The following NXPE2 variants were observed in gnomAD, a reference collection of about 807,000 sequenced individuals.
The protein encoded by NXPE2 is neurexophilin and PC-esterase domain family member 2, also known as NXPE family member 2.
A neutral mutation model predicts 34.4 loss-of-function variants in NXPE2; 34 were observed. The ratio of observed to expected loss-of-function variants is 0.99; its 90% CI spans 0.75 to 1.31. The LOEUF is 1.31. NXPE2 is among the 40% of genes most tolerant of loss of function. The probability of loss-of-function intolerance (pLI) is 0.00; values close to 1 mark genes in which losing one functional copy is unlikely to be tolerated. For synonymous variants in NXPE2, 235 were observed against 231.3 expected, an observed-to-expected ratio of 1.02 and a Z score of -0.15; for missense variants, 649 against 672.5, an observed-to-expected ratio of 0.97 and a Z score of 0.39.
the NXPE2 span, among the ~76,000 whole-genome samples, chr11:114,524,678 G>A: frequency 6.6e-6 from 1 of 152,204 alleles, no homozygotes; most frequent in South Asian, 2.1e-4. Context: ...TCCTAATAAT[G>A]TACTGGCACA....
the NXPE2 span, among the ~76,000 whole-genome samples, chr11:114,493,838 C>G: frequency 6.6e-6 from 1 of 152,068 alleles, no homozygotes; most frequent in East Asian, 1.9e-4. Flanking sequence ...TCATTTACCC[C>G]CTTTTTTTTC....
At chr11:114,533,482 C>T in the NXPE2 span, among the ~76,000 whole-genome samples, 15 of 152,132 alleles carry the variant, frequency 9.9e-5, no homozygotes, top group South Asian at 1.0e-3. Context: ...TGAAGCAGGG[C>T]GAGGCATCGC....
chr11:114,627,796 A>G, the NXPE2 span, among the ~76,000 whole-genome samples: 1 of 152,148 alleles, frequency 6.6e-6, no homozygotes, highest in East Asian at 1.9e-4. Flanking sequence ...AGAGACACAC[A>G]TGGGCTCAAA....
the NXPE2 span, among the ~76,000 whole-genome samples, chr11:114,483,353 G>A: frequency 6.6e-5 from 10 of 152,262 alleles, no homozygotes; most frequent in South Asian, 2.1e-4. Context: ...GGATTCTGGC[G>A]TTGTGTTCAA....
the NXPE2 span, among the ~76,000 whole-genome samples, chr11:114,776,060 A>G: frequency 6.6e-6 from 1 of 152,050 alleles, no homozygotes; most frequent in Non-Finnish European, 1.5e-5. Flanking sequence ...ATCTCTCTCC[A>G]TGGGAGGACC....
Position 114,698,157 on chromosome 11 carries a change from T to G in NXPE2, c.245T>G (p.Leu82Arg). The G allele has an allele frequency of 6.2e-7, 1 of 1,614,118 alleles. No homozygotes were observed. Among genetic ancestry groups the G allele is most frequent in the Non-Finnish European group, 8.5e-7 (1 of 1,180,010 alleles). The change falls in exon 3 of 6, where the codon CTT (leucine) becomes CGT (arginine). Residue 82 changes from leucine to arginine, a missense_variant. By Grantham distance (102) the Leu-to-Arg change is moderately radical (BLOSUM62 -2). Coordinates refer to ENST00000389586, the MANE Select transcript of NXPE2 (RefSeq NM_182495.6). ...CPAVSPKETE[L>R]RIKDIMEKLD... ...GCAGTTTCACCAAAAGAGACTGAAC[T>G]TAGAATAAAGGACATTATGGAGAAA...
At chr11:114,755,637 A>C in the NXPE2 span, among the ~76,000 whole-genome samples, 4 of 151,840 alleles carry the variant, frequency 2.6e-5, no homozygotes, top group Non-Finnish European at 4.4e-5. Flanking sequence ...TCTACCTATC[A>C]ACCCATCTAT....
chr11:114,721,400 C>T, the NXPE2 span, among the ~76,000 whole-genome samples: 1 of 152,046 alleles, frequency 6.6e-6, no homozygotes, highest in Admixed American at 6.6e-5. Context: ...CCTGATCATC[C>T]GTGTTGGTGG....
chr11:114,640,370 T>G, the NXPE2 span, among the ~76,000 whole-genome samples: 1 of 150,224 alleles, frequency 6.7e-6, no homozygotes, highest in African/African-American at 2.4e-5. Flanking sequence ...ATGCTACTGT[T>G]TCTTTATCCA....
At chr11:114,759,369 C>T in the NXPE2 span, among the ~76,000 whole-genome samples, 1 of 152,272 alleles carries the variant, frequency 6.6e-6, no homozygotes, top group South Asian at 2.1e-4. Flanking sequence ...AGTCTCTTAT[C>T]TGTAAAATGG....
the NXPE2 span, among the ~76,000 whole-genome samples, chr11:114,608,432 C>T: frequency 7.3e-5 from 11 of 150,450 alleles, no homozygotes; most frequent in Non-Finnish European, 1.2e-4. Flanking sequence ...AGTGTTGCCT[C>T]GCAGGAAAGC....
At chr11:114,611,876 A>T in the NXPE2 span, among the ~76,000 whole-genome samples, 1 of 151,842 alleles carries the variant, frequency 6.6e-6, no homozygotes. Context: ...GTGTATGAGA[A>T]ATATTGCCTC....
chr11:114,798,163 G>T, the NXPE2 span, among the ~76,000 whole-genome samples: 1 of 152,080 alleles, frequency 6.6e-6, no homozygotes, highest in African/African-American at 2.4e-5. Flanking sequence ...TATTTCACTA[G>T]GAAAATGTCA....
chr11:114,481,844 T>C, the NXPE2 span, among the ~76,000 whole-genome samples: 2 of 152,246 alleles, frequency 1.3e-5, no homozygotes, highest in African/African-American at 4.8e-5. Context: ...CACTCTTCAG[T>C]AAAACAAATA....
the NXPE2 span, among the ~76,000 whole-genome samples, chr11:114,612,521 A>T: frequency 1.3e-5 from 2 of 151,802 alleles, no homozygotes. Flanking sequence ...CTCGGGGGTA[A>T]CCACTGTTAC....
chr11:114,568,734 C>T, the NXPE2 span, among the ~76,000 whole-genome samples: 1 of 152,168 alleles, frequency 6.6e-6, no homozygotes, highest in Admixed American at 6.5e-5. Context: ...CAATGCTTCT[C>T]TTCTGAGATG....
the NXPE2 span, among the ~76,000 whole-genome samples, chr11:114,794,852 C>CCG: frequency 8.8e-6 from 1 of 113,252 alleles, no homozygotes; most frequent in Non-Finnish European, 1.9e-5. Context: ...TGCACCCCCG[C>CCG]CCCCCCCAAC....
the NXPE2 span, among the ~76,000 whole-genome samples, chr11:114,632,074 ATAATAT>A: frequency 5.1e-5 from 5 of 97,860 alleles, no homozygotes; most frequent in African/African-American, 1.3e-4. Flanking sequence ...ATTGTATAGT[ATAATAT>A]TATTATATTG....
chr11:114,753,238 A>G, the NXPE2 span, among the ~76,000 whole-genome samples: 2 of 152,012 alleles, frequency 1.3e-5, no homozygotes, highest in South Asian at 2.1e-4. Flanking sequence ...CAAAAAATGC[A>G]AAAAGTTAGC....
Sources: allele counts gnomAD v4.1 joint callset (sites outside exome capture counted in the v4.1 genomes callset), GRCh38; gene constraint gnomAD v4.1.1; transcripts MANE v1.5; gene names NCBI Gene and HGNC (gene_info 2026-07-23, HGNC 2026-07-21).